RGMB: variants seen among roughly 807,000 people sequenced by gnomAD.
RGMB encodes repulsive guidance molecule BMP co-receptor b.
RGMB carries 16 observed loss-of-function variants against 26.9 expected under a neutral mutation model. The ratio of observed to expected loss-of-function variants is 0.60; its 90% CI spans 0.40 to 0.90. The LOEUF is 0.90. Among genes scored for constraint, RGMB ranks in the 40% least tolerant of loss-of-function variants. RGMB has a pLI of 0.00. For synonymous variants in RGMB, 225 were observed against 229.3 expected (o/e 0.98, Z 0.17); for missense variants, 512 against 573.3 (o/e 0.89, Z 1.09).
upstream of RGMB, chr5:98,769,824 GACC>G (rs1441051252): frequency 1.3e-5 from 2 of 152,244 alleles, no homozygotes; most frequent in Non-Finnish European, 2.9e-5. Flanking sequence ...ACAGATCTAG[GACC>G]ACATTTGATT....
intron 1 of RGMB, among the ~76,000 whole-genome samples, chr5:98,779,032 T>C (rs1243127525): frequency 4.6e-5 from 7 of 152,070 alleles, no homozygotes; most frequent in Non-Finnish European, 7.4e-5. Context: ...TTTTTTTTTT[T>C]CTTATTCTGT....
At chr5:98,774,270 C>G (rs1269843965) in intron 1 of RGMB, 64 bp downstream of exon 1, 6 of 1,331,670 alleles carry the variant, frequency 4.5e-6, no homozygotes, top group Non-Finnish European at 4.8e-6. Context: ...CAAATAGCCC[C>G]AGGTCTCGAA....
At chr5:98,771,425 T>A (rs1746159920), upstream of RGMB, among the ~76,000 whole-genome samples, 1 of 152,190 alleles carries the variant, frequency 6.6e-6, no homozygotes, top group Non-Finnish European at 1.5e-5. Context: ...AAGCGACTAT[T>A]CACTACGCTC....
At chr5:98,770,659 AGG>A, upstream of RGMB, 1 of 1,456,412 alleles carries the variant, frequency 6.9e-7, no homozygotes, top group Non-Finnish European at 9.1e-7. Flanking sequence ...CAGGAGCGAA[AGG>A]GTTAAGAATG....
intron 2 of RGMB, among the ~76,000 whole-genome samples, chr5:98,787,436 G>T (rs1462313685): frequency 6.6e-6 from 1 of 152,206 alleles, no homozygotes; most frequent in Non-Finnish European, 1.5e-5. Context: ...TGCCTGAAGG[G>T]AAGACCTGCT....
At chr5:98,785,229 A>G (rs1167188337) in intron 2 of RGMB, among the ~76,000 whole-genome samples, 1 of 152,214 alleles carries the variant, frequency 6.6e-6, no homozygotes, top group Admixed American at 6.5e-5. Context: ...AGAAGGTACT[A>G]AAGGGCCCAC....
Position 98,774,209 on chromosome 5 carries a change from A to G in RGMB, c.136+3A>G, listed in dbSNP as rs1053302208. On this transcript the variant is annotated splice_donor_region_variant and intron_variant, in intron 1 of 2. Coordinates refer to ENST00000513185, the MANE Select transcript of RGMB (RefSeq NM_001366508.1). ...CAGCCTCGGGCTGCTCCACGCAGGT[A>G]GGACGGGAGCGCGCGAGGGGAGCCA... 6.9e-7 allele frequency: 1 copy of G among 1,440,240 alleles called. No homozygotes were observed. The highest frequency in any genetic ancestry group is 9.1e-7 in the Non-Finnish European group (1 of 1,104,920). 89.2% of individuals were successfully genotyped at this position (1,440,240 alleles called of 1,614,324 possible).
intron 2 of RGMB, chr5:98,780,295 A>G: frequency 1.9e-6 from 1 of 533,768 alleles, no homozygotes; most frequent in Non-Finnish European, 3.3e-6. Context: ...TTTTAAATAG[A>G]CAGTGATATA....
intron 2 of RGMB, among the ~76,000 whole-genome samples, chr5:98,785,435 G>A (rs1305939591): frequency 1.3e-5 from 2 of 152,162 alleles, no homozygotes; most frequent in Non-Finnish European, 2.9e-5. Flanking sequence ...AGCCAGAAGA[G>A]TGGGCTGCTA....
rs759482978 is a variant in RGMB, at chr5:98,779,777, A to G, written c.334A>G (p.Ile112Val). Residue 112 changes from isoleucine (I) to valine (V), a missense_variant, in exon 2 of 3, where the codon ATC becomes GTC. Transcript: ENST00000513185. ...GGTATACCATTCTGCCGTGTTGGGT[A>G]TCAGTGACCTCATGAGCCAGAGGAA... Reference protein sequence around the residue: ...NLVYHSAVLGISDLMSQRNCS... With the variant: ...NLVYHSAVLGVSDLMSQRNCS... 1.2e-6 allele frequency: 2 copies of G among 1,613,944 alleles called. No individual in the cohort carries two copies. Among genetic ancestry groups the G allele is most frequent in the Non-Finnish European group, 1.7e-6 (2 of 1,179,908 alleles).
chr5:98,785,650 T>A lies in RGMB; in HGVS notation c.645+5562T>A, dbSNP rs183247331. ...TCTTTGATGTTATACCAAAAAGCTT[T>A]CTAGAATTTGACTGTCATAGTCGCC... On this transcript the variant is annotated intron_variant, in intron 2 of 2. Transcript: ENST00000513185. Among the ~76,000 whole-genome samples, 440 of 152,362 alleles carry A rather than the reference T, an allele frequency of 2.9e-3. 1 individual carries two copies. Among genetic ancestry groups the A allele is most frequent in the Non-Finnish European group, 5.1e-3 (346 of 68,026 alleles).
intron 2 of RGMB, 179 bp downstream of exon 2, chr5:98,780,267 A>C: frequency 1.7e-6 from 1 of 581,648 alleles, no homozygotes; most frequent in Non-Finnish European, 3.0e-6. Flanking sequence ...TCTTATTGGA[A>C]TGTAAACGTG....
At chr5:98,770,745 C>G (rs1746134270), upstream of RGMB, 1 of 939,262 alleles carries the variant, frequency 1.1e-6, no homozygotes, top group African/African-American at 1.7e-5. Flanking sequence ...CTTATTTTCT[C>G]TCCTTTCCTT....
At chr5:98,783,726 A>G (rs1746677931) in intron 2 of RGMB, among the ~76,000 whole-genome samples, 2 of 152,262 alleles carry the variant, frequency 1.3e-5, no homozygotes, top group African/African-American at 4.8e-5. Context: ...GCACTTTGCA[A>G]ATGTATTCCC....
At chr5:98,784,504 T>A (rs999678698) in intron 2 of RGMB, among the ~76,000 whole-genome samples, 1 of 152,216 alleles carries the variant, frequency 6.6e-6, no homozygotes, top group Non-Finnish European at 1.5e-5. Context: ...GTAGGTCTGC[T>A]TTCTGGTGCC....
intron 2 of RGMB, among the ~76,000 whole-genome samples, chr5:98,791,746 CCATGTTGTGTGACA>C (rs546297251): frequency 2.8e-3 from 424 of 152,168 alleles, no homozygotes; most frequent in African/African-American, 9.7e-3. Flanking sequence ...AATAGTTTCT[CCATGTTGTGTGACA>C]CAGCAGCCCC....
intron 2 of RGMB, chr5:98,781,060 A>C (rs1196214617): frequency 6.6e-6 from 1 of 152,202 alleles, no homozygotes; most frequent in African/African-American, 2.4e-5. Flanking sequence ...TAGTTTTTTA[A>C]TGTAATTGAC....
chr5:98,779,452 C>A, intron 1 of RGMB, 128 bp from the exon 2 acceptor site: 1 of 884,734 alleles, frequency 1.1e-6, no homozygotes, highest in Non-Finnish European at 1.6e-6. Context: ...TATCTGAAGG[C>A]TTCTTAAAAT....
At chr5:98,776,957 G>A (rs747973042) in intron 1 of RGMB, among the ~76,000 whole-genome samples, 2 of 152,014 alleles carry the variant, frequency 1.3e-5, no homozygotes, top group Non-Finnish European at 2.9e-5. Flanking sequence ...GTGGTGGCGC[G>A]TGCCTGTAAT....
Sources: allele counts gnomAD v4.1 joint callset (sites outside exome capture counted in the v4.1 genomes callset), GRCh38; gene constraint gnomAD v4.1.1; transcripts MANE v1.5; gene names NCBI Gene and HGNC (gene_info 2026-07-23, HGNC 2026-07-21).